PHACTR1: variants seen among roughly 807,000 people sequenced by gnomAD.
PHACTR1 encodes the protein phosphatase and actin regulator 1.
Under a neutral mutation model 69.2 loss-of-function variants are expected in PHACTR1, and 16 were observed. The observed-to-expected ratio is 0.23, with a 90% CI of 0.16 to 0.35. The LOEUF is 0.35. PHACTR1 is among the 10% of genes least tolerant of loss of function. The probability of loss-of-function intolerance (pLI) is 1.00; values close to 1 mark genes in which losing one functional copy is unlikely to be tolerated. For missense variants in PHACTR1, 510 were observed against 734.7 expected (o/e 0.69, Z 3.54); for synonymous variants, 312 against 284.5 (o/e 1.10, Z -0.97).
At chr6:13,250,011 T>C (rs901384032) in intron 10 of PHACTR1, among the ~76,000 whole-genome samples, 3 of 152,126 alleles carry the variant, frequency 2.0e-5, no homozygotes, top group Non-Finnish European at 1.5e-5. Flanking sequence ...CACCCCACTC[T>C]CTGTCTTTGT....
At chr6:12,979,729 CAA>C (rs761107919) in intron 4 of PHACTR1, among the ~76,000 whole-genome samples, 11 of 127,784 alleles carry the variant, frequency 8.6e-5, no homozygotes, top group Non-Finnish European at 1.2e-4. Flanking sequence ...CCCCCTCCTC[CAA>C]AAAAAAAAAA....
intron 5 of PHACTR1, among the ~76,000 whole-genome samples, chr6:13,087,851 T>C (rs2127818112): frequency 1.3e-5 from 2 of 152,128 alleles, no homozygotes; most frequent in Middle Eastern, 6.8e-3. Context: ...TTCACCGTGC[T>C]GCCCGGGCTA....
intron 9 of PHACTR1, among the ~76,000 whole-genome samples, chr6:13,228,956 C>T (rs974480643): frequency 6.6e-6 from 1 of 152,192 alleles, no homozygotes; most frequent in African/African-American, 2.4e-5. Flanking sequence ...TGCCTGCTGG[C>T]GTTTTCTCTC....
At chr6:13,038,895 C>T (rs1367120417) in intron 4 of PHACTR1, among the ~76,000 whole-genome samples, 2 of 152,152 alleles carry the variant, frequency 1.3e-5, no homozygotes, top group Non-Finnish European at 2.9e-5. Flanking sequence ...ATGTTCCAGT[C>T]ATCACTTCTC....
chr6:12,786,940 G>C (rs1407648694), intron 4 of PHACTR1, among the ~76,000 whole-genome samples: 1 of 152,148 alleles, frequency 6.6e-6, no homozygotes, highest in Non-Finnish European at 1.5e-5. Context: ...CTATTACTGA[G>C]GGAAAATTAT....
chr6:13,013,720 C>T (rs1274342037), intron 4 of PHACTR1, among the ~76,000 whole-genome samples: 1 of 151,208 alleles, frequency 6.6e-6, no homozygotes, highest in Non-Finnish European at 1.5e-5. Context: ...GCGAGGTCGG[C>T]GAGGTCAAGA....
chr6:13,052,616 A>G (rs1308317836), intron 4 of PHACTR1, among the ~76,000 whole-genome samples: 2 of 152,246 alleles, frequency 1.3e-5, no homozygotes, highest in Non-Finnish European at 2.9e-5. Flanking sequence ...AGGGTCCACT[A>G]GGCATTATGA....
intron 6 of PHACTR1, among the ~76,000 whole-genome samples, chr6:13,175,817 A>C (rs1761240392): frequency 6.6e-6 from 1 of 152,168 alleles, no homozygotes; most frequent in Non-Finnish European, 1.5e-5. Context: ...GGGAGATCGA[A>C]GTAGGGGATC....
At chr6:12,822,188 T>C (rs1189958678) in intron 4 of PHACTR1, among the ~76,000 whole-genome samples, 5 of 152,182 alleles carry the variant, frequency 3.3e-5, no homozygotes, top group Admixed American at 6.5e-5. Flanking sequence ...ACTGGACTCC[T>C]GTTGACTAAA....
chr6:13,197,831 A>G (rs1323386647), intron 7 of PHACTR1, among the ~76,000 whole-genome samples: 12 of 152,140 alleles, frequency 7.9e-5, no homozygotes, highest in Admixed American at 4.6e-4. Flanking sequence ...CTCCTCCACA[A>G]GGCTCTGGGC....
intron 5 of PHACTR1, among the ~76,000 whole-genome samples, chr6:13,098,074 A>G (rs1056091517): frequency 1.3e-5 from 2 of 152,108 alleles, no homozygotes; most frequent in African/African-American, 4.8e-5. Context: ...TACTCAGTCA[A>G]GCATACTGAA....
At chr6:12,902,738 T>C (rs1393599165) in intron 4 of PHACTR1, among the ~76,000 whole-genome samples, 2 of 152,206 alleles carry the variant, frequency 1.3e-5, no homozygotes, top group African/African-American at 4.8e-5. Context: ...AATCAATACA[T>C]TCATCAATAT....
chr6:12,963,551 T>C (rs987620335), intron 4 of PHACTR1, among the ~76,000 whole-genome samples: 8 of 152,168 alleles, frequency 5.3e-5, no homozygotes, highest in Non-Finnish European at 7.4e-5. Context: ...CCCTGCCATG[T>C]CTTTCTTCAT....
intron 4 of PHACTR1, among the ~76,000 whole-genome samples, chr6:12,840,455 A>G (rs996266099): frequency 7.2e-5 from 11 of 152,210 alleles, no homozygotes; most frequent in African/African-American, 2.7e-4. Context: ...GACTGTGTTC[A>G]TGAGAAAGGG....
At chr6:12,726,071 A>C (rs1349584740) in intron 3 of PHACTR1, among the ~76,000 whole-genome samples, 1 of 152,186 alleles carries the variant, frequency 6.6e-6, no homozygotes, top group Non-Finnish European at 1.5e-5. Context: ...ATAATATTCA[A>C]ATACATAGAG....
chr6:12,936,780 C>T (rs527999109), intron 4 of PHACTR1, among the ~76,000 whole-genome samples: 1 of 152,190 alleles, frequency 6.6e-6, no homozygotes, highest in African/African-American at 2.4e-5. Context: ...TTTGCATTCA[C>T]AAAATTAAAA....
At chr6:12,840,448 T>C (rs969389297) in intron 4 of PHACTR1, among the ~76,000 whole-genome samples, 5 of 152,168 alleles carry the variant, frequency 3.3e-5, no homozygotes, top group African/African-American at 9.7e-5. Flanking sequence ...AAAAGAAGAC[T>C]GTGTTCATGA....
intron 4 of PHACTR1, among the ~76,000 whole-genome samples, chr6:12,841,942 GCCCT>G: frequency 6.6e-6 from 1 of 152,120 alleles, no homozygotes; most frequent in South Asian, 2.1e-4. Context: ...GGTAAAGAAG[GCCCT>G]TTAGAATCTT....
In PHACTR1 at chr6:13,039,569, G is replaced by A. The variant is rs192725381; in HGVS notation, c.251-13796G>A. On this transcript the variant is annotated intron_variant, in intron 4 of 14. Coordinates refer to ENST00000332995, the MANE Select transcript of PHACTR1 (RefSeq NM_030948.6). Reference sequence around the variant, plus strand: ...TCAGGCACTCTCCTGAGTTTTTCTGGTAGATAAAGTAGAAGAATTATTTGT... The same window carrying A: ...TCAGGCACTCTCCTGAGTTTTTCTGATAGATAAAGTAGAAGAATTATTTGT... 4.6e-5 allele frequency among the ~76,000 whole-genome samples: 7 copies of A among 152,230 alleles called. No individual in the cohort carries two copies. In the East Asian group the frequency reaches 1.2e-3, roughly 25 times the overall value.
Sources: gnomAD v4.1 joint callset for allele counts (sites outside exome capture counted in the v4.1 genomes callset) on GRCh38, gnomAD v4.1.1 for gene constraint, MANE v1.5 for transcripts, NCBI Gene and HGNC (gene_info 2026-07-23, HGNC 2026-07-21) for gene names.